The following BLNK variants were observed in gnomAD, a reference collection of about 807,000 sequenced individuals.
BLNK encodes B-cell linker protein.
BLNK carries 29 observed loss-of-function variants against 73.5 expected under a neutral mutation model. The ratio of observed to expected loss-of-function variants is 0.39; its 90% confidence interval spans 0.29 to 0.54. The LOEUF is 0.54. BLNK is among the 20% of genes least tolerant of loss of function. The pLI, the probability that BLNK is intolerant of heterozygous loss-of-function variation, is 0.61. For synonymous variants in BLNK, 176 were observed against 200.8 expected, an observed-to-expected ratio of 0.88 and a Z score of 1.04; for missense variants, 460 against 562.8, an observed-to-expected ratio of 0.82 and a Z score of 1.85.
chr10:96,214,100 T>C (rs1341913557), intron 8 of BLNK, among the ~76,000 whole-genome samples: 1 of 152,206 alleles, frequency 6.6e-6, no homozygotes, highest in African/African-American at 2.4e-5. Flanking sequence ...CAATGACTTG[T>C]GTTCAGCTCT....
intron 6 of BLNK, among the ~76,000 whole-genome samples, chr10:96,219,956 C>T (rs1176011680): frequency 1.3e-5 from 2 of 152,218 alleles, no homozygotes; most frequent in African/African-American, 4.8e-5. Flanking sequence ...GTCTTCCCCT[C>T]TCTTTGCCAG....
At chr10:96,253,608 C>G (rs555463316) in intron 1 of BLNK, among the ~76,000 whole-genome samples, 69 of 152,196 alleles carry the variant, frequency 4.5e-4, no homozygotes, top group Non-Finnish European at 4.4e-4. Flanking sequence ...TCACTGGACC[C>G]TAAACCATAT....
At chr10:96,224,985 A>T (rs2084284930) in intron 5 of BLNK, among the ~76,000 whole-genome samples, 1 of 152,190 alleles carries the variant, frequency 6.6e-6, no homozygotes, top group Non-Finnish European at 1.5e-5. Flanking sequence ...GGCATGAGCC[A>T]CCACGCCTGG....
chr10:96,242,606 T>A, intron 3 of BLNK, 129 bp downstream of exon 3: 1 of 948,382 alleles, frequency 1.1e-6, no homozygotes, highest in Non-Finnish European at 1.7e-6. Context: ...ATTTAGTCAT[T>A]CTTGAAATTA....
Position 96,200,897 on chromosome 10 carries a change from C to T in BLNK, c.1011+85G>A. On this transcript the variant is annotated intron_variant, in intron 14 of 16. Coordinates refer to ENST00000224337, the MANE Select transcript of BLNK (RefSeq NM_013314.4). This position sits in a 1 kb window ranked among gnomAD's most constrained non-coding sequence, Gnocchi z 4.3. ...ATACAGTCTCTGTTCTCAAGGTTCA[C>T]TCCAAATGTCTTCTTCTCAGAAGAC... 1 of 1,242,488 alleles carries T rather than the reference C, an allele frequency of 8.0e-7. No individual in the cohort carries two copies. The highest frequency in any genetic ancestry group is 1.2e-6 in the Non-Finnish European group (1 of 841,714). 77.0% of individuals were successfully genotyped at this position (1,242,488 alleles called of 1,614,324 possible).
chr10:96,189,787 A>T lies in BLNK; in HGVS notation c.*2186T>A. On this transcript the variant is annotated 3_prime_UTR_variant, in exon 17 of 17. Transcript: ENST00000224337. ...TCTCTGGAATCTTGCTACCACCTCC[A>T]GGGACAGATCACTTTCCAGATATCC... 2 of 897,536 alleles carry T rather than the reference A, an allele frequency of 2.2e-6. No individual in the cohort carries two copies. Among genetic ancestry groups the T allele is most frequent in the Non-Finnish European group, 3.7e-6 (2 of 543,774 alleles). 55.6% of individuals were successfully genotyped at this position (897,536 alleles called of 1,614,324 possible).
chr10:96,220,871 T>C (rs1180102067), intron 6 of BLNK, among the ~76,000 whole-genome samples: 10 of 152,218 alleles, frequency 6.6e-5, no homozygotes, highest in African/African-American at 2.4e-4. Flanking sequence ...GTTTACATGT[T>C]TGCCTCCCCC....
intron 3 of BLNK, among the ~76,000 whole-genome samples, chr10:96,238,503 C>T (rs781827572): frequency 1.3e-5 from 2 of 152,158 alleles, no homozygotes; most frequent in Admixed American, 6.5e-5. Flanking sequence ...GGGCTCTGGC[C>T]TCCACACACT....
At chr10:96,203,954 C>T (rs1473914461) in intron 13 of BLNK, 103 bp downstream of exon 13, 27 of 909,634 alleles carry the variant, frequency 3.0e-5, no homozygotes, top group South Asian at 1.0e-4. Context: ...GCCAGGATAA[C>T]GCAGCTGGAA....
At chr10:96,230,550 T>C (rs949121039) in intron 4 of BLNK, among the ~76,000 whole-genome samples, 1 of 152,274 alleles carries the variant, frequency 6.6e-6, no homozygotes, top group African/African-American at 2.4e-5. Flanking sequence ...GCACTGAAGT[T>C]GGGCATAAGA....
intron 15 of BLNK, chr10:96,199,568 G>A (rs782651762): frequency 2.2e-5 from 10 of 457,062 alleles, no homozygotes; most frequent in Non-Finnish European, 4.4e-5. Context: ...GAAATGAGAT[G>A]GAGGAACTTG....
chr10:96,246,819 A>G (rs539678124), intron 2 of BLNK, among the ~76,000 whole-genome samples, 165 bp downstream of exon 2: 27 of 152,350 alleles, frequency 1.8e-4, no homozygotes, highest in African/African-American at 6.3e-4. Flanking sequence ...GTCCTGTTCC[A>G]GAATGTAGAC....
intron 8 of BLNK, among the ~76,000 whole-genome samples, chr10:96,211,019 G>A (rs1160263544): frequency 6.6e-6 from 1 of 151,838 alleles, no homozygotes; most frequent in Non-Finnish European, 1.5e-5. Flanking sequence ...CTACAGGCAT[G>A]CACCACCACA....
At chr10:96,195,876 TCTC>T (rs2083452955) in intron 16 of BLNK, among the ~76,000 whole-genome samples, 1 of 152,242 alleles carries the variant, frequency 6.6e-6, no homozygotes, top group East Asian at 1.9e-4. Context: ...CAAATGCTAT[TCTC>T]CTGCCTGTAA....
rs781808929 is a variant in BLNK at position 96,230,784 on chromosome 10, A to T, written c.204+10T>A. 50 of 1,607,984 alleles carry T rather than the reference A, an allele frequency of 3.1e-5. No homozygotes were observed. The highest frequency in any genetic ancestry group is 4.2e-5 in the Non-Finnish European group (50 of 1,177,500). On this transcript the variant is annotated intron_variant, in intron 4 of 16. Coordinates refer to ENST00000224337, the MANE Select transcript of BLNK (RefSeq NM_013314.4). ...CTGATGCCCTCCTGGTCCCAGGAGC[A>T]AATACTTACAAAGTCATCGGACCAC... is the stretch of plus-strand genomic sequence containing the variant.
intron 1 of BLNK, among the ~76,000 whole-genome samples, chr10:96,266,433 T>C (rs1000179225): frequency 1.3e-5 from 2 of 152,194 alleles, no homozygotes; most frequent in East Asian, 3.8e-4. Context: ...GACTCTGGTT[T>C]AGGGTTTTCC....
chr10:96,229,602 T>C (rs1163007630), intron 4 of BLNK, among the ~76,000 whole-genome samples: 1 of 152,016 alleles, frequency 6.6e-6, no homozygotes, highest in Non-Finnish European at 1.5e-5. Context: ...TGCTCAGTTT[T>C]CTTCTCTTAC....
chr10:96,203,982 G>T, intron 13 of BLNK, 75 bp downstream of exon 13: 1 of 1,309,500 alleles, frequency 7.6e-7, no homozygotes, highest in South Asian at 1.2e-5. Context: ...TGCTGTGTTA[G>T]AACCCAGGCC....
intron 8 of BLNK, among the ~76,000 whole-genome samples, chr10:96,211,990 T>C (rs889281560): frequency 2.0e-5 from 3 of 152,244 alleles, no homozygotes; most frequent in South Asian, 2.1e-4. Flanking sequence ...TCTTCTGAAA[T>C]GTTAAGGGCT....
Sources: allele counts gnomAD v4.1 joint callset (sites outside exome capture counted in the v4.1 genomes callset), GRCh38; gene constraint gnomAD v4.1.1; non-coding constraint Gnocchi (gnomAD v3.1); transcripts MANE v1.5; gene names NCBI Gene and HGNC (gene_info 2026-07-23, HGNC 2026-07-21).